CD5: variants seen among roughly 807,000 people sequenced by gnomAD.
CD5 encodes the protein CD5 molecule, also known as T-cell surface glycoprotein CD5.
A neutral mutation model predicts 60.3 loss-of-function variants in CD5; 36 were observed. That is an observed-to-expected ratio of 0.60 (90% CI 0.46 to 0.79). CD5 has a LOEUF of 0.79. Ranked by LOEUF, CD5 falls within the 30% of genes least tolerant of loss-of-function variation. The pLI, the probability that CD5 is intolerant of heterozygous loss-of-function variation, is 0.00. For synonymous variants in CD5, 230 were observed against 257.6 expected, an observed-to-expected ratio of 0.89 and a Z score of 1.03; for missense variants, 540 against 630.6, an observed-to-expected ratio of 0.86 and a Z score of 1.54.
chr11:61,121,689 C>T lies in CD5; in HGVS notation c.884C>T (p.Ala295Val). The T allele has an allele frequency of 1.5e-5, 24 of 1,596,674 alleles. No individual in the cohort carries two copies. Among genetic ancestry groups the T allele is most frequent in the Non-Finnish European group, 2.1e-5 (24 of 1,167,924 alleles). ...GGCACCGTGGAGGTGCGCCAGGGGG[C>T]TCAGTGGGCAGCCCTGTGTGACAGC... ...CEGTVEVRQG[A>V]QWAALCDSSS... Residue 295 changes from alanine to valine, a missense_variant, in exon 6 of 11, where the codon GCT (alanine) becomes GTT (valine). Physicochemically the swap from Ala to Val is moderately conservative, Grantham distance 64. Transcript: ENST00000347785.
the CD5 span, among the ~76,000 whole-genome samples, chr11:61,095,420 T>C: frequency 6.6e-6 from 1 of 152,050 alleles, no homozygotes; most frequent in Non-Finnish European, 1.5e-5. Flanking sequence ...ATTGGAAAAA[T>C]AATACTCCAT....
chr11:61,107,165 G>A (rs867189012), intron 1 of CD5, among the ~76,000 whole-genome samples: 6 of 152,160 alleles, frequency 3.9e-5, no homozygotes, highest in Non-Finnish European at 5.9e-5. Flanking sequence ...AGGATTCAGC[G>A]GCTCTCATGA....
At chr11:61,096,800 G>GAT in the CD5 span, among the ~76,000 whole-genome samples, 1 of 152,192 alleles carries the variant, frequency 6.6e-6, no homozygotes, top group African/African-American at 2.4e-5. Context: ...TATGGACAGA[G>GAT]GATAATCCTC....
Position 61,115,057 on chromosome 11 carries a change from C to A in CD5, c.57C>A (p.Val19=), listed in dbSNP as rs923646552. ...GACCCTCCTCTCTTCTTTCTGCAGT[C>A]GCTTCCTGCCTCGGACGGCTCAGCT... is the stretch of plus-strand genomic sequence containing the variant. ...LATLYLLGML[V]ASCLGRLSWY... Residue 19 remains valine (V), a splice_region_variant and synonymous_variant, in exon 2 of 11, where the codon GTC becomes GTA. Coordinates refer to ENST00000347785, the MANE Select transcript of CD5 (RefSeq NM_014207.4). 6.4e-7 allele frequency: 1 copy of A among 1,556,828 alleles called. No homozygotes were observed. Among genetic ancestry groups the A allele is most frequent in the African/African-American group, 1.4e-5 (1 of 73,440 alleles).
In CD5 at chr11:61,123,943, T is replaced by C. The variant is rs578232926; in HGVS notation, c.1279+6T>C. ...AACGGGAATGAACCAAAACAGTAAG[T>C]GTCCCCGGAGGCAGGAGCCTCCCTC... On this transcript the variant is annotated splice_donor_region_variant and intron_variant, in intron 8 of 10. Coordinates refer to ENST00000347785, the MANE Select transcript of CD5 (RefSeq NM_014207.4). The C allele has an allele frequency of 6.2e-7, 1 of 1,612,498 alleles. No individual in the cohort carries two copies. The highest frequency in any genetic ancestry group is 1.1e-5 in the South Asian group (1 of 91,022).
At chr11:61,099,856 CACACATGTCAACATGGAGATCAT>C (rs1860636077), upstream of CD5, among the ~76,000 whole-genome samples, 1 of 151,640 alleles carries the variant, frequency 6.6e-6, no homozygotes, top group African/African-American at 2.4e-5. Context: ...GCACAGAGAT[CACACATGTCAACATGGAGATCAT>C]ACACACACAT....
chr11:61,111,961 G>A (rs1035468712), intron 1 of CD5, among the ~76,000 whole-genome samples: 2 of 152,206 alleles, frequency 1.3e-5, no homozygotes, highest in African/African-American at 4.8e-5. Flanking sequence ...AGGAAATCGT[G>A]GCTTGGAGGC....
chr11:61,125,489 G>C (rs1464925255), intron 9 of CD5, among the ~76,000 whole-genome samples: 1 of 152,188 alleles, frequency 6.6e-6, no homozygotes, highest in Non-Finnish European at 1.5e-5. Context: ...GGATTCCTCC[G>C]GGCTAGAAGA....
At position 61,123,006 on chromosome 11, in the gene CD5, T is replaced by G; in HGVS notation, c.1199T>G (p.Leu400Arg). ...GTGCTGCTGGTCGTGTGCGGCCCCC[T>G]TGCCTACAAGAAGCTAGTGAAGAAA... ...LVVLLVVCGP[L>R]AYKKLVKKFR... The change falls in exon 7 of 11, where the codon CTT (leucine) becomes CGT (arginine). Residue 400 changes from leucine to arginine, a missense_variant. Coordinates refer to ENST00000347785, the MANE Select transcript of CD5 (RefSeq NM_014207.4). The G allele has an allele frequency of 6.2e-7, 1 of 1,613,650 alleles. No individual in the cohort carries two copies. Among genetic ancestry groups the G allele is most frequent in the Non-Finnish European group, 8.5e-7 (1 of 1,179,770 alleles).
At chr11:61,103,069 C>G (rs547125460) in intron 1 of CD5, among the ~76,000 whole-genome samples, 1 of 152,346 alleles carries the variant, frequency 6.6e-6, no homozygotes, top group East Asian at 1.9e-4. Flanking sequence ...TCTGGACAGA[C>G]AGTGGGCCGA....
At chr11:61,121,537 A>C (rs747280559) in intron 5 of CD5, 74 bp from the exon 6 acceptor site, 8 of 1,310,932 alleles carry the variant, frequency 6.1e-6, no homozygotes, top group Non-Finnish European at 6.0e-6. Flanking sequence ...TGCCAGTGGC[A>C]TGGGGCCCCA....
intron 2 of CD5, among the ~76,000 whole-genome samples, 189 bp downstream of exon 2, chr11:61,115,283 TGCAGGTGGGTGCCCTCGACA>T (rs1254013113): frequency 1.3e-5 from 2 of 152,184 alleles, no homozygotes; most frequent in African/African-American, 4.8e-5. Context: ...GATGCTCACA[TGCAGGTGGGTGCCCTCGACA>T]GCCGTAAATC....
upstream of CD5, among the ~76,000 whole-genome samples, chr11:61,100,238 TCACA>T (rs527386423): frequency 1.1e-5 from 1 of 93,082 alleles, no homozygotes; most frequent in Non-Finnish European, 2.1e-5. Flanking sequence ...AACATGGAGA[TCACA>T]CACACACATC....
chr11:61,118,811 A>C lies in CD5; in HGVS notation c.401-104A>C, dbSNP rs1861003906. The C allele has an allele frequency of 1.3e-6, 1 of 781,244 alleles. No individual in the cohort carries two copies. The highest frequency in any genetic ancestry group is 1.7e-5 in the African/African-American group (1 of 57,736). 48.4% of individuals were successfully genotyped at this position (781,244 alleles called of 1,614,324 possible). A position where few individuals can be genotyped will look rare whatever the true frequency, so the allele number is the denominator to read the frequency against. On this transcript the variant is annotated intron_variant, in intron 3 of 10. Coordinates refer to ENST00000347785, the MANE Select transcript of CD5 (RefSeq NM_014207.4). This position sits in a 1 kb window ranked among gnomAD's most constrained non-coding sequence, Gnocchi z 4.7. ...GTGGGTCAAGTGGACCTGGTGTGCC[A>C]AGCGGCACTCATGCCAGGAGCTCCT...
chr11:61,111,306 T>G (rs1035545540), intron 1 of CD5, among the ~76,000 whole-genome samples: 1 of 152,166 alleles, frequency 6.6e-6, no homozygotes, highest in Non-Finnish European at 1.5e-5. Flanking sequence ...GTCAGACACA[T>G]GGTTCGACTC....
intron 1 of CD5, among the ~76,000 whole-genome samples, chr11:61,105,246 G>C (rs3794035): frequency 0.2 from 30,626 of 152,220 alleles, 3,343 homozygotes; most frequent in Non-Finnish European, 0.23. Flanking sequence ...GTGAGGCGGG[G>C]AAGCGGCTCT....
chr11:61,119,292 G>A lies in CD5; in HGVS notation c.522G>A (p.Val174=), dbSNP rs548080516. ...QSGGQHCAGV[V]EFYSGSLGGT... is the part of the protein sequence containing the mutation. ...GCGGCCAGCACTGTGCCGGCGTGGT[G>A]GAGTTCTACAGCGGCAGCCTGGGGG... Residue 174 remains valine, a synonymous_variant, in exon 5 of 11, where the codon GTG becomes GTA. Coordinates refer to ENST00000347785, the MANE Select transcript of CD5 (RefSeq NM_014207.4). 1.9e-6 allele frequency: 3 copies of A among 1,613,706 alleles called. No homozygotes were observed. The highest frequency in any genetic ancestry group is 1.1e-5 in the South Asian group (1 of 91,072).
chr11:61,100,155 CACA>C (rs373742035), upstream of CD5, among the ~76,000 whole-genome samples: 25 of 139,082 alleles, frequency 1.8e-4, no homozygotes, highest in African/African-American at 4.8e-4. Context: ...ATCACACACA[CACA>C]ACATGGAGAT....
the CD5 span, among the ~76,000 whole-genome samples, chr11:61,096,579 C>T: frequency 6.6e-6 from 1 of 152,218 alleles, no homozygotes; most frequent in Non-Finnish European, 1.5e-5. Context: ...CTTGTACATG[C>T]CTGACTGTCC....
Sources: gnomAD v4.1 joint callset for allele counts (sites outside exome capture counted in the v4.1 genomes callset) on GRCh38, gnomAD v4.1.1 for gene constraint, Gnocchi (gnomAD v3.1) non-coding constraint, MANE v1.5 for transcripts, NCBI Gene and HGNC (gene_info 2026-07-23, HGNC 2026-07-21) for gene names.